The following TPD52L1 variants were observed in gnomAD, a reference collection of about 807,000 sequenced individuals.
The protein encoded by TPD52L1 is TPD52 like 1.
TPD52L1 carries 18 observed loss-of-function variants against 28.7 expected under a neutral mutation model. That is an observed-to-expected ratio of 0.63 (90% CI 0.43 to 0.93). The LOEUF is 0.93. Among genes scored for constraint, TPD52L1 ranks in the 40% least tolerant of loss-of-function variants. TPD52L1 has a pLI of 0.00. For synonymous variants in TPD52L1, 75 were observed against 88.8 expected, an observed-to-expected ratio of 0.84 and a Z score of 0.88; for missense variants, 203 against 254.8, an observed-to-expected ratio of 0.80 and a Z score of 1.39.
At chr6:125,241,151 C>T (rs1796589818) in intron 3 of TPD52L1, among the ~76,000 whole-genome samples, 1 of 152,152 alleles carries the variant, frequency 6.6e-6, no homozygotes. Flanking sequence ...TATGTTAAAG[C>T]ATCCCTGAGT....
In TPD52L1 at chr6:125,183,768, G is replaced by T. The variant is rs145510343; in HGVS notation, c.19+29798G>T. On this transcript the variant is annotated intron_variant, in intron 1 of 6. Transcript: ENST00000534000. ...ATCAACTTTTAGCAACCTTTTTTCC[G>T]CAAAGTCCAATTCCTGGCAACATGG... Among the ~76,000 whole-genome samples, 14 of 152,190 alleles carry T rather than the reference G, an allele frequency of 9.2e-5. No homozygotes were observed. In the East Asian group the frequency reaches 2.7e-3, roughly 29 times the overall value.
chr6:125,260,921 G>GAGGAAAGAAAGAAAGAAGAAAGA (rs1797889647), intron 6 of TPD52L1: 6 of 58,800 alleles, frequency 1.0e-4, no homozygotes, highest in Admixed American at 5.1e-4. Context: ...AAGAAAGAAA[G>GAGGAAAGAAAGAAAGAAGAAAGA]AAGAAAGAAA....
At chr6:125,178,658 A>AATATATATATATAT (rs766185303) in intron 1 of TPD52L1, among the ~76,000 whole-genome samples, 4 of 147,994 alleles carry the variant, frequency 2.7e-5, no homozygotes, top group African/African-American at 1.0e-4. Flanking sequence ...AACAAAACAA[A>AATATATATATATAT]ATATATATAT....
At chr6:125,262,772 T>C (rs1039169752) in intron 6 of TPD52L1, 62 bp from the exon 7 acceptor site, 6 of 1,544,030 alleles carry the variant, frequency 3.9e-6, no homozygotes, top group African/African-American at 1.4e-5. Context: ...GGTATTCTTA[T>C]AAAAACATTA....
At chr6:125,203,376 G>C (rs1406490810) in intron 1 of TPD52L1, among the ~76,000 whole-genome samples, 2 of 151,892 alleles carry the variant, frequency 1.3e-5, no homozygotes, top group Non-Finnish European at 2.9e-5. Flanking sequence ...CTTTTTGTCG[G>C]GGGTGTTTTT....
At chr6:125,212,045 T>A (rs1348122610) in intron 1 of TPD52L1, among the ~76,000 whole-genome samples, 1 of 152,212 alleles carries the variant, frequency 6.6e-6, no homozygotes, top group African/African-American at 2.4e-5. Flanking sequence ...AACAGTAATA[T>A]GATTAGCTCA....
At chr6:125,208,989 T>C (rs1039949832) in intron 1 of TPD52L1, 25 of 971,196 alleles carry the variant, frequency 2.6e-5, no homozygotes, top group Non-Finnish European at 3.1e-5. Flanking sequence ...CTGAGCACTG[T>C]CTTCAGAGTC....
intron 1 of TPD52L1, among the ~76,000 whole-genome samples, chr6:125,219,178 GAGTGTGGA>G (rs1795067901): frequency 6.6e-6 from 1 of 152,202 alleles, no homozygotes; most frequent in Admixed American, 6.5e-5. Context: ...GTTTCTCTCT[GAGTGTGGA>G]CCTGTTTCCT....
chr6:125,238,562 A>G (rs1003988650), intron 3 of TPD52L1, among the ~76,000 whole-genome samples: 4 of 151,400 alleles, frequency 2.6e-5, no homozygotes, highest in South Asian at 2.1e-4. Context: ...ATGCCTTTGC[A>G]TCCTCACGGC....
At chr6:125,200,555 C>T (rs1484139159) in intron 1 of TPD52L1, among the ~76,000 whole-genome samples, 1 of 152,202 alleles carries the variant, frequency 6.6e-6, no homozygotes, top group Non-Finnish European at 1.5e-5. Flanking sequence ...AGTGAATCAT[C>T]TTCTCCCTGT....
intron 3 of TPD52L1, among the ~76,000 whole-genome samples, 159 bp from the exon 4 acceptor site, chr6:125,248,123 C>G (rs1408502627): frequency 1.3e-5 from 2 of 152,204 alleles, no homozygotes; most frequent in African/African-American, 2.4e-5. Flanking sequence ...CAGCAGCCAA[C>G]CCATCATCCC....
intron 1 of TPD52L1, among the ~76,000 whole-genome samples, chr6:125,216,803 C>T (rs932515092): frequency 2.9e-4 from 44 of 151,914 alleles, no homozygotes; most frequent in African/African-American, 9.4e-4. Flanking sequence ...CAATATGCCA[C>T]GTTTACTAAT....
chr6:125,209,097 T>C (rs1471380693), intron 1 of TPD52L1, among the ~76,000 whole-genome samples: 1 of 152,192 alleles, frequency 6.6e-6, no homozygotes, highest in Non-Finnish European at 1.5e-5. Context: ...TTGTTTTAGA[T>C]CCTTGACTTC....
At chr6:125,195,681 G>A (rs1343269526) in intron 1 of TPD52L1, among the ~76,000 whole-genome samples, 3 of 152,142 alleles carry the variant, frequency 2.0e-5, no homozygotes, top group South Asian at 2.1e-4. Flanking sequence ...TACCCTTAGG[G>A]CATCTGACCT....
chr6:125,167,003 T>C (rs142859574), intron 1 of TPD52L1, among the ~76,000 whole-genome samples: 258 of 152,248 alleles, frequency 1.7e-3, no homozygotes, highest in African/African-American at 5.9e-3. Flanking sequence ...ATGCCTGTAA[T>C]TCCAGCACTT....
chr6:125,233,639 T>C (rs777548729), intron 3 of TPD52L1, among the ~76,000 whole-genome samples: 1 of 152,230 alleles, frequency 6.6e-6, no homozygotes, highest in Admixed American at 6.5e-5. Context: ...TTTGTATCTT[T>C]GGTGAAATGC....
chr6:125,217,944 G>T (rs940471635), intron 1 of TPD52L1, among the ~76,000 whole-genome samples: 1 of 152,072 alleles, frequency 6.6e-6, no homozygotes, highest in African/African-American at 2.4e-5. Flanking sequence ...CTATTGTCCA[G>T]TCTTTATCAT....
intron 1 of TPD52L1, among the ~76,000 whole-genome samples, chr6:125,179,606 CG>C (rs1176681927): frequency 6.6e-6 from 1 of 152,252 alleles, no homozygotes; most frequent in East Asian, 1.9e-4. Flanking sequence ...ATAATATGAG[CG>C]GTACCACTGT....
chr6:125,234,045 C>T (rs1220506587), intron 3 of TPD52L1, among the ~76,000 whole-genome samples: 1 of 152,214 alleles, frequency 6.6e-6, no homozygotes. Context: ...TTCCTGTTGA[C>T]TTTCATTGAA....
Sources: allele counts gnomAD v4.1 joint callset (sites outside exome capture counted in the v4.1 genomes callset), GRCh38; gene constraint gnomAD v4.1.1; transcripts MANE v1.5; gene names NCBI Gene and HGNC (gene_info 2026-07-23, HGNC 2026-07-21).